TMEM178B: variants seen among roughly 807,000 people sequenced by gnomAD.
The protein encoded by TMEM178B is transmembrane protein 178B.
TMEM178B carries 5 observed loss-of-function variants against 31.0 expected under a neutral mutation model. The ratio of observed to expected loss-of-function variants is 0.16; its 90% CI spans 0.08 to 0.34. The LOEUF is 0.34. Ranked by LOEUF, TMEM178B falls within the 10% of genes least tolerant of loss-of-function variation. The probability of loss-of-function intolerance (pLI) is 1.00; values close to 1 mark genes in which losing one functional copy is unlikely to be tolerated. For missense variants in TMEM178B, 275 were observed against 400.3 expected, an observed-to-expected ratio of 0.69 and a Z score of 2.67; for synonymous variants, 164 against 164.0, an observed-to-expected ratio of 1.00 and a Z score of 0.00.
At chr7:141,081,694 A>G (rs1794689384) in intron 1 of TMEM178B, among the ~76,000 whole-genome samples, 1 of 152,216 alleles carries the variant, frequency 6.6e-6, no homozygotes, top group Non-Finnish European at 1.5e-5. Context: ...AGTTAAAAGA[A>G]TTAAAAAGTA....
the TMEM178B span, among the ~76,000 whole-genome samples, chr7:141,503,291 T>C: frequency 5.9e-5 from 9 of 152,202 alleles, no homozygotes. Context: ...TATTGTCATT[T>C]TCAAATAAGG....
At position 141,440,073 on chromosome 7, in the gene TMEM178B, A is replaced by G. The variant is rs919720049; in HGVS notation, c.634+2328A>G. The stretch of plus-strand genomic sequence containing the variant: ...GTGACTGTGGTAGGGTCATTGGGCT[A>G]TATCCCACTTAACTGAGACCTTGGT... On this transcript the variant is annotated intron_variant, in intron 3 of 3. Transcript: ENST00000565468. Among the ~76,000 whole-genome samples, 4 of 152,238 alleles carry G rather than the reference A, an allele frequency of 2.6e-5. No individual in the cohort carries two copies. The South Asian group carries it at 8.3e-4, about 31-fold the overall frequency.
At chr7:141,209,591 C>T (rs1009220393) in intron 1 of TMEM178B, among the ~76,000 whole-genome samples, 1 of 152,174 alleles carries the variant, frequency 6.6e-6, no homozygotes, top group Non-Finnish European at 1.5e-5. Flanking sequence ...ATGAATAAGA[C>T]AACATCCCTG....
intron 2 of TMEM178B, among the ~76,000 whole-genome samples, chr7:141,376,159 TTTAAGGGTAACCAA>T (rs1800209021): frequency 6.6e-6 from 1 of 152,366 alleles, no homozygotes; most frequent in Admixed American, 6.5e-5. Context: ...AGGAACTATA[TTTAAGGGTAACCAA>T]ATAGTCCCTG....
At chr7:141,268,389 A>G (rs1371869039) in intron 2 of TMEM178B, among the ~76,000 whole-genome samples, 2 of 152,258 alleles carry the variant, frequency 1.3e-5, no homozygotes, top group East Asian at 3.8e-4. Flanking sequence ...AACTTGTTTT[A>G]AGAAGGGTTG....
chr7:141,374,585 C>T (rs180729134), intron 2 of TMEM178B, among the ~76,000 whole-genome samples: 8 of 152,282 alleles, frequency 5.3e-5, no homozygotes, highest in African/African-American at 1.7e-4. Context: ...AAAAACCCCA[C>T]GCGCATACAG....
chr7:141,482,741 T>C (rs560640353), downstream of TMEM178B, among the ~76,000 whole-genome samples: 2 of 152,232 alleles, frequency 1.3e-5, no homozygotes, highest in South Asian at 2.1e-4. Flanking sequence ...AAAGGACACA[T>C]AGGGCAGGGT....
At chr7:141,424,111 T>C (rs1296372811) in intron 2 of TMEM178B, among the ~76,000 whole-genome samples, 1 of 152,086 alleles carries the variant, frequency 6.6e-6, no homozygotes. Flanking sequence ...AGCCACCACA[T>C]GCCTGACCTC....
At chr7:141,419,201 C>T (rs1006631886) in intron 2 of TMEM178B, among the ~76,000 whole-genome samples, 4 of 152,086 alleles carry the variant, frequency 2.6e-5, no homozygotes, top group East Asian at 1.9e-4. Flanking sequence ...TGAGGCACCG[C>T]GGCTGGCCCC....
intron 1 of TMEM178B, among the ~76,000 whole-genome samples, chr7:141,176,487 A>G (rs1372559594): frequency 6.6e-6 from 1 of 152,148 alleles, no homozygotes; most frequent in African/African-American, 2.4e-5. Context: ...TTAGTTAGGG[A>G]GGAGTCCCTC....
At chr7:141,380,285 C>G (rs1282190508) in intron 2 of TMEM178B, among the ~76,000 whole-genome samples, 1 of 152,142 alleles carries the variant, frequency 6.6e-6, no homozygotes. Context: ...TGCACAAAAT[C>G]TAATCTTTAA....
intron 1 of TMEM178B, among the ~76,000 whole-genome samples, chr7:141,137,347 G>A (rs544207606): frequency 2.6e-5 from 4 of 152,284 alleles, no homozygotes; most frequent in African/African-American, 4.8e-5. Context: ...TAAAGGAAAT[G>A]TGGCATATAT....
rs117395740 is a variant in TMEM178B, at chr7:141,145,731, A to G, written c.383-66860A>G. The stretch of plus-strand genomic sequence containing the variant: ...GAAGTAGATAGTTTTAGGCCCCCTT[A>G]ATGCTGATGCAGCTGTTGAGAACTG... On this transcript the variant is annotated intron_variant, in intron 1 of 3. Transcript: ENST00000565468. Among the ~76,000 whole-genome samples the G allele has an allele frequency of 3.8e-3, 582 of 152,290 alleles. 5 individuals are homozygous for G. The highest frequency in any genetic ancestry group is 0.011 in the African/African-American group (457 of 41,564).
intron 2 of TMEM178B, among the ~76,000 whole-genome samples, chr7:141,234,597 T>G (rs1339085614): frequency 6.6e-6 from 1 of 152,196 alleles, no homozygotes; most frequent in East Asian, 1.9e-4. Context: ...CAGGATTAGA[T>G]GTGATCATTC....
At chr7:141,192,399 A>T (rs1796710931) in intron 1 of TMEM178B, among the ~76,000 whole-genome samples, 1 of 152,072 alleles carries the variant, frequency 6.6e-6, no homozygotes, top group Non-Finnish European at 1.5e-5. Flanking sequence ...AGCAGAAAAA[A>T]GCACCAAGGC....
chr7:141,418,482 G>T (rs1801140249), intron 2 of TMEM178B, among the ~76,000 whole-genome samples: 1 of 152,190 alleles, frequency 6.6e-6, no homozygotes, highest in African/African-American at 2.4e-5. Context: ...GCAAATTGCA[G>T]TTGAAGGTTT....
chr7:141,495,288 C>T, the TMEM178B span, among the ~76,000 whole-genome samples: 2 of 152,190 alleles, frequency 1.3e-5, no homozygotes, highest in South Asian at 4.1e-4. Flanking sequence ...AAAATATGCC[C>T]AGATTCTGAC....
At chr7:141,143,469 C>G (rs796585700) in intron 1 of TMEM178B, among the ~76,000 whole-genome samples, 27 of 152,252 alleles carry the variant, frequency 1.8e-4, no homozygotes, top group African/African-American at 5.5e-4. Flanking sequence ...CTTATTGAAC[C>G]AGGAGTCCTT....
At chr7:141,448,135 C>G (rs1049606367) in intron 3 of TMEM178B, among the ~76,000 whole-genome samples, 22 of 152,042 alleles carry the variant, frequency 1.4e-4, no homozygotes, top group Non-Finnish European at 2.9e-4. Context: ...ATGTGTGCCT[C>G]TTTCCTTATG....
Sources: allele counts gnomAD v4.1 joint callset (sites outside exome capture counted in the v4.1 genomes callset), GRCh38; gene constraint gnomAD v4.1.1; transcripts MANE v1.5; gene names NCBI Gene and HGNC (gene_info 2026-07-23, HGNC 2026-07-21).